The following TGFB2 variants were observed in gnomAD, a reference collection of about 807,000 sequenced individuals.
TGFB2 encodes transforming growth factor beta 2.
TGFB2 carries 13 observed loss-of-function variants against 42.7 expected under a neutral mutation model. The observed-to-expected ratio is 0.30, with a 90% CI of 0.20 to 0.48. The LOEUF is 0.48. Ranked by LOEUF, TGFB2 falls within the 20% of genes least tolerant of loss-of-function variation. The probability of loss-of-function intolerance (pLI) is 0.99; values close to 1 mark genes in which losing one functional copy is unlikely to be tolerated. For missense variants in TGFB2, 390 were observed against 517.5 expected (o/e 0.75, Z 2.39); for synonymous variants, 193 against 193.6 (o/e 1.00, Z 0.03).
chr1:218,390,636 T>C (rs1298840254), intron 1 of TGFB2, among the ~76,000 whole-genome samples: 1 of 152,240 alleles, frequency 6.6e-6, no homozygotes, highest in Non-Finnish European at 1.5e-5. Context: ...AGGGTCTAGT[T>C]CTGCAATGGA....
intron 6 of TGFB2, among the ~76,000 whole-genome samples, chr1:218,438,247 T>A (rs761553405): frequency 1.3e-5 from 2 of 152,104 alleles, no homozygotes; most frequent in Non-Finnish European, 2.9e-5. Flanking sequence ...AATCAATATG[T>A]CACATAGTAT....
At chr1:218,394,486 A>C (rs935784722) in intron 1 of TGFB2, among the ~76,000 whole-genome samples, 1 of 151,920 alleles carries the variant, frequency 6.6e-6, no homozygotes, top group African/African-American at 2.4e-5. Context: ...TTTTTTGCGC[A>C]GTGTAAGAAG....
chr1:218,407,108 G>GT (rs1017907203), intron 2 of TGFB2, among the ~76,000 whole-genome samples: 17 of 152,028 alleles, frequency 1.1e-4, no homozygotes, highest in Admixed American at 9.2e-4. Flanking sequence ...TTCTTTTTCT[G>GT]TTTTTTTGAG....
At chr1:218,366,771 C>T (rs1007205840) in intron 1 of TGFB2, among the ~76,000 whole-genome samples, 1 of 152,188 alleles carries the variant, frequency 6.6e-6, no homozygotes, top group Non-Finnish European at 1.5e-5. Context: ...CTTCTGACGT[C>T]ACTAAAGTTT....
chr1:218,402,763 G>T (rs1658770869), intron 1 of TGFB2, among the ~76,000 whole-genome samples: 1 of 152,180 alleles, frequency 6.6e-6, no homozygotes, highest in Non-Finnish European at 1.5e-5. Flanking sequence ...CGCTAAATTA[G>T]CTTCTCTATT....
chr1:218,355,809 C>T (rs543512211), intron 1 of TGFB2, among the ~76,000 whole-genome samples: 1 of 152,154 alleles, frequency 6.6e-6, no homozygotes, highest in African/African-American at 2.4e-5. Context: ...TATCACTGCC[C>T]ATTTAACTAT....
In TGFB2 at chr1:218,346,858, C is replaced by T. The variant is rs1656700052; in HGVS notation, c.157C>T (p.Pro53Ser). ...CCTGAGCAAGCTGAAGCTCACCAGT[C>T]CCCCAGAAGACTATCCTGAGCCCGA... is the stretch of plus-strand genomic sequence containing the variant. Reference protein sequence around the residue: ...QILSKLKLTSPPEDYPEPEEV... With the variant: ...QILSKLKLTSSPEDYPEPEEV... The change falls in exon 1 of 7, where the codon CCC (proline) becomes TCC (serine). Residue 53 changes from proline to serine, a missense_variant. Transcript: ENST00000366930. This position sits in a 1 kb window ranked among gnomAD's most constrained non-coding sequence, Gnocchi z 4.9. 1 of 1,614,138 alleles carries T rather than the reference C, an allele frequency of 6.2e-7. No individual in the cohort carries two copies. The highest frequency in any genetic ancestry group is 8.5e-7 in the Non-Finnish European group (1 of 1,180,036).
At chr1:218,365,175 C>A (rs1657346698) in intron 1 of TGFB2, among the ~76,000 whole-genome samples, 1 of 152,082 alleles carries the variant, frequency 6.6e-6, no homozygotes, top group Non-Finnish European at 1.5e-5. Flanking sequence ...GGTGACAGAG[C>A]CAAAATCTGA....
intron 2 of TGFB2, among the ~76,000 whole-genome samples, chr1:218,421,057 G>C (rs1212483567): frequency 6.6e-6 from 1 of 152,158 alleles, no homozygotes; most frequent in Non-Finnish European, 1.5e-5. Context: ...CAGTGTGTCG[G>C]TGTGGTAGGC....
At chr1:218,382,339 A>G (rs903063943) in intron 1 of TGFB2, among the ~76,000 whole-genome samples, 2 of 152,102 alleles carry the variant, frequency 1.3e-5, no homozygotes, top group African/African-American at 4.8e-5. Flanking sequence ...CCCAAAAATC[A>G]ATGTTTTTAG....
intron 1 of TGFB2, among the ~76,000 whole-genome samples, chr1:218,361,132 C>G (rs990134444): frequency 6.6e-6 from 1 of 152,186 alleles, no homozygotes. Flanking sequence ...GGATTATAGG[C>G]GTGAGCCACC....
intron 1 of TGFB2, among the ~76,000 whole-genome samples, chr1:218,389,774 A>G (rs1026108869): frequency 8.5e-5 from 13 of 152,142 alleles, no homozygotes; most frequent in Admixed American, 7.9e-4. Context: ...AGAAGTCACT[A>G]TTTTTTCACT....
chr1:218,367,748 G>T (rs1258014116), intron 1 of TGFB2, among the ~76,000 whole-genome samples: 2 of 152,152 alleles, frequency 1.3e-5, no homozygotes, highest in Non-Finnish European at 2.9e-5. Flanking sequence ...AATGTCAAAT[G>T]CATGTAGAGA....
intron 1 of TGFB2, among the ~76,000 whole-genome samples, chr1:218,360,234 T>C (rs552602767): frequency 3.9e-4 from 60 of 152,370 alleles, no homozygotes; most frequent in African/African-American, 1.4e-3. Context: ...AAACATACTC[T>C]GGAAACACTG....
At chr1:218,439,806 A>G (rs964855366) in intron 6 of TGFB2, among the ~76,000 whole-genome samples, 1 of 152,180 alleles carries the variant, frequency 6.6e-6, no homozygotes, top group Non-Finnish European at 1.5e-5. Context: ...GGCTGAGACC[A>G]TGCTTGTTTT....
At chr1:218,428,500 A>G (rs1419805046) in intron 2 of TGFB2, among the ~76,000 whole-genome samples, 4 of 152,262 alleles carry the variant, frequency 2.6e-5, no homozygotes, top group Admixed American at 1.3e-4. Context: ...TCCATCTTGA[A>G]TTAATTTTTG....
chr1:218,395,126 A>T (rs1658459400), intron 1 of TGFB2, among the ~76,000 whole-genome samples: 2 of 152,112 alleles, frequency 1.3e-5, no homozygotes, highest in Admixed American at 1.3e-4. Context: ...TGTTCTCTTC[A>T]TTCTGTGGGC....
chr1:218,408,644 A>G (rs1008671214), intron 2 of TGFB2, among the ~76,000 whole-genome samples: 3 of 152,180 alleles, frequency 2.0e-5, no homozygotes, highest in Admixed American at 6.5e-5. Context: ...CTTTTGATGG[A>G]TCAGAAAGGC....
chr1:218,389,143 A>G (rs536834339), intron 1 of TGFB2, among the ~76,000 whole-genome samples: 23 of 152,344 alleles, frequency 1.5e-4, no homozygotes, highest in Non-Finnish European at 1.8e-4. Flanking sequence ...TTACAGGGTT[A>G]TCAGGCTAGG....
Sources: gnomAD v4.1 joint callset for allele counts (sites outside exome capture counted in the v4.1 genomes callset) on GRCh38, gnomAD v4.1.1 for gene constraint, Gnocchi (gnomAD v3.1) non-coding constraint, MANE v1.5 for transcripts, NCBI Gene and HGNC (gene_info 2026-07-23, HGNC 2026-07-21) for gene names.